The following CACNA1C variants were observed in gnomAD, a reference collection of about 807,000 sequenced individuals.
CACNA1C encodes the protein calcium voltage-gated channel subunit alpha1 C.
CACNA1C carries 30 observed loss-of-function variants against 229.0 expected under a neutral mutation model. The ratio of observed to expected loss-of-function variants is 0.13; its 90% CI spans 0.10 to 0.18. CACNA1C has a LOEUF of 0.18. Among genes scored for constraint, CACNA1C ranks in the 10% least tolerant of loss-of-function variants. The pLI is 1.00. For synonymous variants in CACNA1C, 1,114 were observed against 1,132.5 expected (o/e 0.98, Z 0.33); for missense variants, 1,658 against 2,845.0 (o/e 0.58, Z 9.49).
At chr12:2,462,213 CTG>C (rs1567827746) in intron 5 of CACNA1C, among the ~76,000 whole-genome samples, 25 of 151,918 alleles carry the variant, frequency 1.6e-4, no homozygotes, top group Non-Finnish European at 2.9e-4. Context: ...GCTCAGCTCT[CTG>C]CACAGGCCTG....
At chr12:2,611,595 C>A (rs1000416081) in intron 28 of CACNA1C, among the ~76,000 whole-genome samples, 6 of 152,016 alleles carry the variant, frequency 3.9e-5, no homozygotes, top group Non-Finnish European at 8.8e-5. Context: ...GAGGTGGGTT[C>A]TGCATCCACC....
At chr12:2,169,245 C>G (rs1013348423) in intron 3 of CACNA1C, among the ~76,000 whole-genome samples, 1 of 152,158 alleles carries the variant, frequency 6.6e-6, no homozygotes, top group African/African-American at 2.4e-5. Flanking sequence ...TAAACCAAGG[C>G]TTTCTACCCA....
At chr12:2,670,467 G>A (rs189638162) in intron 38 of CACNA1C, among the ~76,000 whole-genome samples, 8 of 152,248 alleles carry the variant, frequency 5.3e-5, no homozygotes, top group Admixed American at 1.3e-4. Flanking sequence ...CCTTCTCTCC[G>A]TTAGATCCTT....
chr12:2,418,085 T>C (rs571539199), intron 3 of CACNA1C, among the ~76,000 whole-genome samples: 8 of 152,300 alleles, frequency 5.3e-5, no homozygotes, highest in Admixed American at 3.3e-4. Context: ...AGCCGCTCCC[T>C]CTCTGCTTTT....
rs569795901 is a variant in CACNA1C, at chr12:2,256,574, A to G, written c.477+136144A>G. ...CAGGGTTCTTGAGTTGATAAAACACACCAGTTAACCAGTTAGAGATGACGA... is the reference window on the plus strand; with the variant it reads ...CAGGGTTCTTGAGTTGATAAAACACGCCAGTTAACCAGTTAGAGATGACGA... On this transcript the variant is annotated intron_variant, in intron 3 of 46. Transcript: ENST00000399655. 2.0e-5 allele frequency among the ~76,000 whole-genome samples: 3 copies of G among 152,294 alleles called. No homozygotes were observed. The East Asian group carries it at 5.8e-4, about 29-fold the overall frequency.
chr12:2,418,757 G>A (rs2098942742), intron 3 of CACNA1C, among the ~76,000 whole-genome samples: 2 of 152,160 alleles, frequency 1.3e-5, no homozygotes, highest in African/African-American at 2.4e-5. Flanking sequence ...GGCCAGTGGA[G>A]CCTCTAGGGA....
intron 5 of CACNA1C, among the ~76,000 whole-genome samples, chr12:2,477,834 G>A (rs1335612684): frequency 6.6e-6 from 1 of 151,944 alleles, no homozygotes; most frequent in Non-Finnish European, 1.5e-5. Context: ...CACCCTTGTG[G>A]TTCTCTTTAC....
intron 11 of CACNA1C, 21 bp downstream of exon 11, chr12:2,556,998 TCTTC>T: frequency 1.2e-6 from 2 of 1,606,684 alleles, no homozygotes; most frequent in Non-Finnish European, 1.7e-6. Context: ...CTCACGCTGC[TCTTC>T]CTTCCTTCTG....
intron 3 of CACNA1C, among the ~76,000 whole-genome samples, chr12:2,221,955 C>A (rs767223139): frequency 4.6e-5 from 7 of 152,112 alleles, no homozygotes; most frequent in Non-Finnish European, 7.4e-5. Flanking sequence ...ACAATATGAT[C>A]CCAAATTTTA....
chr12:2,437,947 G>A (rs1054368036), intron 3 of CACNA1C, among the ~76,000 whole-genome samples: 11 of 151,310 alleles, frequency 7.3e-5, no homozygotes, highest in Non-Finnish European at 1.2e-4. Flanking sequence ...TGGAGTGGTG[G>A]TGGTGGTGAT....
At position 2,053,582 on chromosome 12, in the gene CACNA1C, G is replaced by C. The variant is rs766075498; in HGVS notation, c.20G>C (p.Arg7Thr). The C allele has an allele frequency of 6.2e-7, 1 of 1,600,974 alleles. No individual in the cohort carries two copies. Among genetic ancestry groups the C allele is most frequent in the African/African-American group, 1.3e-5 (1 of 74,698 alleles). The change falls in exon 1 of 47, where the codon AGG becomes ACG. Residue 7 changes from arginine (R) to threonine (T), a missense_variant. Coordinates refer to ENST00000399655, the MANE Select transcript of CACNA1C (RefSeq NM_000719.7). This position sits in a 1 kb window ranked among gnomAD's most constrained non-coding sequence, Gnocchi z 5.8. ...TGGTCCATGGTCAATGAGAATACGA[G>C]GATGTACATTCCAGAGGAAAACCAC... MVNENT[R>T]MYIPEENHQG...
At chr12:2,385,083 G>A (rs11062208) in intron 3 of CACNA1C, among the ~76,000 whole-genome samples, 3 of 152,152 alleles carry the variant, frequency 2.0e-5, no homozygotes, top group Non-Finnish European at 2.9e-5. Flanking sequence ...TTACAAAGAC[G>A]TAGTCCAGAT....
intron 3 of CACNA1C, among the ~76,000 whole-genome samples, chr12:2,243,663 G>T (rs1378459203): frequency 6.6e-6 from 1 of 152,174 alleles, no homozygotes; most frequent in Non-Finnish European, 1.5e-5. Context: ...CTATATAATG[G>T]GATAATAGTA....
rs181631078 is a variant in CACNA1C at position 2,108,068 on chromosome 12, C to T, written c.50-7156C>T. 7.9e-5 allele frequency among the ~76,000 whole-genome samples: 12 copies of T among 152,300 alleles called. No homozygotes were observed. Among genetic ancestry groups the T allele is most frequent in the South Asian group, 4.2e-4 (2 of 4,818 alleles). On this transcript the variant is annotated intron_variant, in intron 1 of 46. Coordinates refer to ENST00000399655, the MANE Select transcript of CACNA1C (RefSeq NM_000719.7). This position sits in a 1 kb window ranked among gnomAD's most constrained non-coding sequence, Gnocchi z 5.3. Reference sequence around the variant, plus strand: ...CTGCGTATGACTGGTAGCAAGGGCTCCGTAATCCAGCCTAGGATTATAGAG... The same window carrying T: ...CTGCGTATGACTGGTAGCAAGGGCTTCGTAATCCAGCCTAGGATTATAGAG...
chr12:2,097,347 C>CGT (rs2074551627), intron 1 of CACNA1C, among the ~76,000 whole-genome samples: 2 of 149,834 alleles, frequency 1.3e-5, no homozygotes, highest in African/African-American at 5.1e-5. Context: ...GGGGTTTCAC[C>CGT]ATGTTAGCCA....
rs1311223371 is a variant in CACNA1C at position 2,285,567 on chromosome 12, A to G, written c.478-163409A>G. ...CTCTCCTTAAACACCTCCTCATCCC[A>G]GACGGGTTGACTTTCAATGAGAGGA... On this transcript the variant is annotated intron_variant, in intron 3 of 46. Transcript: ENST00000399655. This position sits in a 1 kb window ranked among gnomAD's most constrained non-coding sequence, Gnocchi z 4.2. 6.6e-6 allele frequency among the ~76,000 whole-genome samples: 1 copy of G among 152,152 alleles called. No homozygotes were observed. The highest frequency in any genetic ancestry group is 2.4e-5 in the African/African-American group (1 of 41,430).
intron 5 of CACNA1C, among the ~76,000 whole-genome samples, chr12:2,484,529 C>G (rs2099689757): frequency 1.3e-5 from 2 of 152,152 alleles, no homozygotes; most frequent in African/African-American, 4.8e-5. Flanking sequence ...GAGCAGCCCT[C>G]CAGCTGTGGC....
At position 2,630,355 on chromosome 12, in the gene CACNA1C, A is replaced by G. The variant is rs970617527; in HGVS notation, c.3829-3942A>G. Among the ~76,000 whole-genome samples the G allele has an allele frequency of 4.6e-5, 7 of 152,114 alleles. No homozygotes were observed. Among genetic ancestry groups the G allele is most frequent in the African/African-American group, 1.7e-4 (7 of 41,422 alleles). The stretch of plus-strand genomic sequence containing the variant: ...GCGGGCAAAAACAGAGAGAAGAGAG[A>G]TGAGACAGCATCAAGCCCTTCCACT... On this transcript the variant is annotated intron_variant, in intron 29 of 46. Coordinates refer to ENST00000399655, the MANE Select transcript of CACNA1C (RefSeq NM_000719.7). The surrounding 1 kb of genome is among the most constrained non-coding windows in gnomAD (Gnocchi z 5.4).
At chr12:2,028,212 G>C (rs2047648119) in intron 1 of CACNA1C, among the ~76,000 whole-genome samples, 2 of 152,180 alleles carry the variant, frequency 1.3e-5, no homozygotes, top group African/African-American at 2.4e-5. Context: ...GAGTTACAAG[G>C]GTTCCAAGAC....
Sources: allele counts gnomAD v4.1 joint callset (sites outside exome capture counted in the v4.1 genomes callset), GRCh38; gene constraint gnomAD v4.1.1; non-coding constraint Gnocchi (gnomAD v3.1); transcripts MANE v1.5; gene names NCBI Gene and HGNC (gene_info 2026-07-23, HGNC 2026-07-21).